Variants in GUCY2D observed in about 807,000 individuals in gnomAD.
GUCY2D encodes the protein retinal guanylyl cyclase 1.
A neutral mutation model predicts 101.3 loss-of-function variants in GUCY2D; 70 were observed. The observed-to-expected ratio is 0.69, with a 90% CI of 0.57 to 0.84. The LOEUF (loss-of-function observed/expected upper bound fraction) is 0.84. Ranked by LOEUF, GUCY2D falls within the 40% of genes least tolerant of loss-of-function variation. The pLI, the probability that GUCY2D is intolerant of heterozygous loss-of-function variation, is 0.00. For missense variants in GUCY2D, 1,460 were observed against 1,542.5 expected (o/e 0.95, Z 0.90); for synonymous variants, 688 against 670.7 (o/e 1.03, Z -0.40).
In GUCY2D at chr17:8,014,792, G is replaced by C; in HGVS notation, c.2576+28G>C. ...GGGTGCCAGTGGGAAGGGGTGGGCT[G>C]GGAGGGCAGCTGGAGCCCAGCCAGG... On this transcript the variant is annotated intron_variant, in intron 13 of 19. Transcript: ENST00000254854. The surrounding 1 kb of genome is among the most constrained non-coding windows in gnomAD (Gnocchi z 4.0). 1 of 1,611,390 alleles carries C rather than the reference G, an allele frequency of 6.2e-7. No homozygotes were observed. The highest frequency in any genetic ancestry group is 8.5e-7 in the Non-Finnish European group (1 of 1,177,998).
At position 8,013,249 on chromosome 17, in the gene GUCY2D, G is replaced by A. The variant is rs747951577; in HGVS notation, c.2260G>A (p.Glu754Lys). ...TTATGCCATGCTGGAGCTCACTCCC[G>A]AGGGTAAGGCTGCCCTGTGCGTGGA... ...APYAMLELTP[E>K]EVVQRVRSPP... Residue 754 changes from glutamate (E) to lysine (K), a missense_variant, in exon 11 of 20, where the codon GAG (glutamate) becomes AAG (lysine). Physicochemically the swap from Glu to Lys is moderately conservative, Grantham distance 56 (BLOSUM62 1). Transcript: ENST00000254854. This position sits in a 1 kb window ranked among gnomAD's most constrained non-coding sequence, Gnocchi z 5.0. 131 of 1,613,906 alleles carry A rather than the reference G, an allele frequency of 8.1e-5. No homozygotes were observed. In the Middle Eastern group the frequency reaches 2.1e-3, roughly 26 times the overall value.
In GUCY2D at chr17:8,014,171, G is replaced by C; in HGVS notation, c.2412+143G>C. On this transcript the variant is annotated intron_variant, in intron 12 of 19. Transcript: ENST00000254854. The surrounding 1 kb of genome is among the most constrained non-coding windows in gnomAD (Gnocchi z 4.0). Reference sequence around the variant, plus strand: ...CTCCTAAGGAGTAGCCTGAAGACTCGGAGTTTGGGGGCAGAATTGGAATGG... The same window carrying C: ...CTCCTAAGGAGTAGCCTGAAGACTCCGAGTTTGGGGGCAGAATTGGAATGG... 1.3e-6 allele frequency: 1 copy of C among 762,042 alleles called. No homozygotes were observed. Among genetic ancestry groups the C allele is most frequent in the East Asian group, 2.6e-5 (1 of 38,488 alleles). 47.2% of individuals were successfully genotyped at this position (762,042 alleles called of 1,614,324 possible). A position where few individuals can be genotyped will look rare whatever the true frequency, so the allele number is the denominator to read the frequency against.
At position 8,007,499 on chromosome 17, in the gene GUCY2D, C is replaced by T. The variant is rs61749682; in HGVS notation, c.1537C>T (p.Leu513Phe). 7.8e-4 allele frequency: 1,254 copies of T among 1,611,098 alleles called. 1 individual carries two copies. Among genetic ancestry groups the T allele is most frequent in the Admixed American group, 1.2e-3 (70 of 60,024 alleles). Residue 513 changes from leucine (L) to phenylalanine (F), a missense_variant, in exon 6 of 20, where the codon CTC (leucine) becomes TTC (phenylalanine). Transcript: ENST00000254854. ...CCTGACCGTGGACGACATCACCTTT[C>T]TCCACCCACATGGGGGCACCTCTCG... is the stretch of plus-strand genomic sequence containing the variant. ...IILTVDDITF[L>F]HPHGGTSRKV... is the part of the protein sequence containing the mutation.
chr17:8,016,728 A>G (rs1975986445), intron 19 of GUCY2D, 174 bp downstream of exon 19: 2 of 588,130 alleles, frequency 3.4e-6, no homozygotes, highest in South Asian at 2.0e-5. Context: ...TTGGTTCAGT[A>G]GATCTGGAGT....
In GUCY2D at chr17:8,013,300, GT is replaced by G; in HGVS notation, c.2263+50del. 6.3e-7 allele frequency: 1 copy of G among 1,587,216 alleles called. No homozygotes were observed. The highest frequency in any genetic ancestry group is 8.6e-7 in the Non-Finnish European group (1 of 1,157,350). On this transcript the variant is annotated intron_variant, in intron 11 of 19. Coordinates refer to ENST00000254854, the MANE Select transcript of GUCY2D (RefSeq NM_000180.4). This position sits in a 1 kb window ranked among gnomAD's most constrained non-coding sequence, Gnocchi z 5.0. ...GTTCGGCCCACAGGGGCACCCTGCAGTTAGAAAAGAGCCAGCCTCACTCTTT... is the reference window on the plus strand; with the variant it reads ...GTTCGGCCCACAGGGGCACCCTGCAGTAGAAAAGAGCCAGCCTCACTCTTT...
intron 19 of GUCY2D, among the ~76,000 whole-genome samples, chr17:8,018,851 A>T (rs1336456323): frequency 2.0e-5 from 3 of 148,862 alleles, no homozygotes; most frequent in East Asian, 2.0e-4. Context: ...TTTTTTTTTT[A>T]AACTGATTCA....
chr17:8,004,573 T>G (rs1361939020), intron 3 of GUCY2D, among the ~76,000 whole-genome samples: 1 of 152,064 alleles, frequency 6.6e-6, no homozygotes, highest in Non-Finnish European at 1.5e-5. Flanking sequence ...CTGGTGGTCT[T>G]AGCTTTTCAA....
chr17:8,015,720 G>A (rs1264163451), intron 15 of GUCY2D, 23 bp from the exon 16 acceptor site: 4 of 1,563,876 alleles, frequency 2.6e-6, no homozygotes, highest in African/African-American at 1.4e-5. Flanking sequence ...TGCTAGCCCC[G>A]CCGACCCCCA....
intron 19 of GUCY2D, 150 bp from the exon 20 acceptor site, chr17:8,019,978 G>A (rs1976042249): frequency 6.6e-6 from 1 of 151,960 alleles, no homozygotes; most frequent in African/African-American, 2.4e-5. Flanking sequence ...TTGCCTTGGA[G>A]ATGGCTCTGT....
chr17:8,010,821 A>C (rs1180815343), intron 8 of GUCY2D, among the ~76,000 whole-genome samples: 3 of 151,746 alleles, frequency 2.0e-5, no homozygotes, highest in Non-Finnish European at 4.4e-5. Context: ...AAAAAAAAAA[A>C]AAAAAGGAAA....
Position 8,006,416 on chromosome 17 carries a change from C to A in GUCY2D, c.1080C>A (p.Gly360=). The A allele has an allele frequency of 6.2e-6, 10 of 1,602,514 alleles. No homozygotes were observed. The highest frequency in any genetic ancestry group is 8.5e-6 in the Non-Finnish European group (10 of 1,179,958). ...ACGCGGTCTTCTTGCTGGCAAGGGGCGTGGCAGAAGCGCGGGCTGCCGCAG... is the reference window on the plus strand; with the variant it reads ...ACGCGGTCTTCTTGCTGGCAAGGGGAGTGGCAGAAGCGCGGGCTGCCGCAG... ...IYDAVFLLAR[G]VAEARAAAGG... Residue 360 remains glycine (G), a synonymous_variant, in exon 4 of 20, where the codon GGC becomes GGA. Coordinates refer to ENST00000254854, the MANE Select transcript of GUCY2D (RefSeq NM_000180.4).
intron 19 of GUCY2D, among the ~76,000 whole-genome samples, chr17:8,017,630 G>A (rs984967062): frequency 3.3e-5 from 5 of 152,190 alleles, no homozygotes; most frequent in African/African-American, 4.8e-5. Context: ...TCCAAAGAGC[G>A]GCATTCTCTG....
intron 3 of GUCY2D, among the ~76,000 whole-genome samples, chr17:8,006,004 T>A (rs1975730031): frequency 6.6e-6 from 1 of 152,174 alleles, no homozygotes; most frequent in Non-Finnish European, 1.5e-5. Flanking sequence ...AACTATATGC[T>A]GGGCAACCAA....
In GUCY2D at chr17:8,007,464, A is replaced by G. The variant is rs749535904; in HGVS notation, c.1502A>G (p.Asn501Ser). Reference sequence around the variant, plus strand: ...CACATGCAAATGGTCTCCGGCCCCAACAAGATCATCCTGACCGTGGACGAC... The same window carrying G: ...CACATGCAAATGGTCTCCGGCCCCAGCAAGATCATCCTGACCGTGGACGAC... The part of the protein sequence containing the change: ...LLHMQMVSGP[N>S]KIILTVDDIT... The change falls in exon 6 of 20, where the codon AAC (asparagine) becomes AGC (serine). Residue 501 changes from asparagine to serine, a missense_variant. By Grantham distance (46) the Asn-to-Ser change is conservative. Transcript: ENST00000254854. The G allele has an allele frequency of 1.9e-6, 3 of 1,613,846 alleles. No individual in the cohort carries two copies. Among genetic ancestry groups the G allele is most frequent in the South Asian group, 2.2e-5 (2 of 91,074 alleles).
chr17:8,020,252 T>G lies in GUCY2D; in HGVS notation c.*149T>G, dbSNP rs1317549747. ...CATTGCTGGGCTGTGTTCCTCGGGC[T>G]CTTCTGGACCTTGCACCGTGGATAC... On this transcript the variant is annotated 3_prime_UTR_variant, in exon 20 of 20. Transcript: ENST00000254854. The G allele has an allele frequency of 2.0e-5, 3 of 152,074 alleles. No individual in the cohort carries two copies. The highest frequency in any genetic ancestry group is 4.4e-5 in the Non-Finnish European group (3 of 68,032). 9.4% of individuals were successfully genotyped at this position (152,074 alleles called of 1,614,324 possible).
Position 8,014,084 on chromosome 17 carries a change from GT to G in GUCY2D, c.2412+57del. ...CTGGCCTCTGGGATCCCAGATGCTT[GT>G]CAGCAACCTGAGACAGCTGCAGACA... is the stretch of plus-strand genomic sequence containing the variant. On this transcript the variant is annotated intron_variant, in intron 12 of 19. Coordinates refer to ENST00000254854, the MANE Select transcript of GUCY2D (RefSeq NM_000180.4). The surrounding 1 kb of genome is among the most constrained non-coding windows in gnomAD (Gnocchi z 4.0). 1 of 1,507,018 alleles carries G rather than the reference GT, an allele frequency of 6.6e-7. No individual in the cohort carries two copies. The highest frequency in any genetic ancestry group is 1.7e-4 in the Middle Eastern group (1 of 5,802). 93.4% of individuals were successfully genotyped at this position (1,507,018 alleles called of 1,614,324 possible).
At chr17:8,008,937 G>A (rs999231067) in intron 7 of GUCY2D, among the ~76,000 whole-genome samples, 4 of 152,172 alleles carry the variant, frequency 2.6e-5, no homozygotes, top group Non-Finnish European at 5.9e-5. Context: ...GCGAGATCCA[G>A]GGCAAGATAG....
At chr17:8,012,750 T>G in intron 10 of GUCY2D, 144 bp downstream of exon 10, 1 of 771,150 alleles carries the variant, frequency 1.3e-6, no homozygotes, top group Non-Finnish European at 2.2e-6. Flanking sequence ...AAAGATCTTG[T>G]GGCCTCTGAG....
chr17:8,014,815 A>G lies in GUCY2D; in HGVS notation c.2577-44A>G. On this transcript the variant is annotated intron_variant, in intron 13 of 19. Transcript: ENST00000254854. The surrounding 1 kb of genome is among the most constrained non-coding windows in gnomAD (Gnocchi z 4.0). ...CTGGGAGGGCAGCTGGAGCCCAGCCAGGTAGAGTGGCCCCCAGGTGACCTC... is the reference window on the plus strand; with the variant it reads ...CTGGGAGGGCAGCTGGAGCCCAGCCGGGTAGAGTGGCCCCCAGGTGACCTC... 6.2e-7 allele frequency: 1 copy of G among 1,610,714 alleles called. No homozygotes were observed. Among genetic ancestry groups the G allele is most frequent in the Non-Finnish European group, 8.5e-7 (1 of 1,177,002 alleles).
Sources: gnomAD v4.1 joint callset for allele counts (sites outside exome capture counted in the v4.1 genomes callset) on GRCh38, gnomAD v4.1.1 for gene constraint, Gnocchi (gnomAD v3.1) non-coding constraint, MANE v1.5 for transcripts, NCBI Gene and HGNC (gene_info 2026-07-23, HGNC 2026-07-21) for gene names.